Variants in ZNF423 observed in about 807,000 individuals in gnomAD.
The protein encoded by ZNF423 is Ebf-associated zinc finger protein.
A neutral mutation model predicts 95.8 loss-of-function variants in ZNF423; 12 were observed. The observed-to-expected ratio is 0.13, with a 90% CI of 0.08 to 0.20. The LOEUF (loss-of-function observed/expected upper bound fraction) is 0.20. ZNF423 is among the 10% of genes least tolerant of loss of function. The pLI is 1.00. For missense variants in ZNF423, 1,316 were observed against 1,737.1 expected (o/e 0.76, Z 4.31); for synonymous variants, 749 against 711.9 (o/e 1.05, Z -0.83).
chr16:49,806,002 C>T lies in ZNF423; in HGVS notation c.41-16456G>A, dbSNP rs2034657283. ...GGCCCCCGGCCTCCCGGGCTGCCCT[C>T]TCGTTTAATCCCATCTCTCCCTGAG... On this transcript the variant is annotated intron_variant, in intron 1 of 7. Transcript: ENST00000563137. 3.9e-5 allele frequency among the ~76,000 whole-genome samples: 6 copies of T among 152,254 alleles called. No homozygotes were observed. The South Asian group carries it at 1.2e-3, about 32-fold the overall frequency.
At chr16:49,499,590 G>A (rs1967305602) in intron 7 of ZNF423, among the ~76,000 whole-genome samples, 1 of 152,142 alleles carries the variant, frequency 6.6e-6, no homozygotes, top group Non-Finnish European at 1.5e-5. Flanking sequence ...CCGGATCCAG[G>A]TTTTCCGTGT....
chr16:49,726,486 A>G (rs2033017725), intron 3 of ZNF423, among the ~76,000 whole-genome samples: 1 of 152,154 alleles, frequency 6.6e-6, no homozygotes, highest in South Asian at 2.1e-4. Flanking sequence ...AGATGATGAT[A>G]AACACCCCCT....
chr16:49,532,439 T>C (rs565131181), intron 5 of ZNF423, among the ~76,000 whole-genome samples: 1 of 152,094 alleles, frequency 6.6e-6, no homozygotes, highest in South Asian at 2.1e-4. Flanking sequence ...CCCTTCCTCC[T>C]CCCCCTGGGG....
At chr16:49,794,506 A>G (rs2034468891) in intron 1 of ZNF423, among the ~76,000 whole-genome samples, 2 of 152,250 alleles carry the variant, frequency 1.3e-5, no homozygotes, top group African/African-American at 4.8e-5. Context: ...CCCCCCACAC[A>G]AGCTCTGTGC....
chr16:49,756,567 G>C (rs2033730935), intron 2 of ZNF423, among the ~76,000 whole-genome samples: 2 of 152,162 alleles, frequency 1.3e-5, no homozygotes, highest in Admixed American at 6.5e-5. Context: ...CCTTTCAGGG[G>C]CATCTTCCCA....
intron 3 of ZNF423, among the ~76,000 whole-genome samples, chr16:49,665,037 G>T (rs1045515678): frequency 2.7e-4 from 41 of 152,094 alleles, no homozygotes; most frequent in African/African-American, 9.4e-4. Flanking sequence ...CAGGTTATCA[G>T]CTGAGCTGGG....
chr16:49,652,524 T>G (rs1219381898), intron 3 of ZNF423, among the ~76,000 whole-genome samples: 3 of 152,180 alleles, frequency 2.0e-5, no homozygotes, highest in Non-Finnish European at 4.4e-5. Context: ...AAGGTTCTCC[T>G]GCCAGCCTCC....
chr16:49,503,872 G>C (rs1967529471), intron 7 of ZNF423, among the ~76,000 whole-genome samples: 1 of 152,190 alleles, frequency 6.6e-6, no homozygotes, highest in South Asian at 2.1e-4. Context: ...AGGGTCAAGG[G>C]AGAAGAAGAA....
chr16:49,812,336 G>A (rs2034766248), intron 1 of ZNF423, among the ~76,000 whole-genome samples: 1 of 152,318 alleles, frequency 6.6e-6, no homozygotes, highest in African/African-American at 2.4e-5. Flanking sequence ...AGAAGCTACA[G>A]GCACCTGCTG....
chr16:49,620,093 CCTCT>C (rs1188345957), intron 5 of ZNF423, among the ~76,000 whole-genome samples: 2 of 150,906 alleles, frequency 1.3e-5, no homozygotes, highest in African/African-American at 4.9e-5. Context: ...GTAGAAAAAC[CCTCT>C]CTCTGTCTGT....
At chr16:49,572,787 C>G (rs1266266064) in intron 5 of ZNF423, among the ~76,000 whole-genome samples, 1 of 152,132 alleles carries the variant, frequency 6.6e-6, no homozygotes, top group East Asian at 1.9e-4. Flanking sequence ...ACAGTGCACA[C>G]TGGAGAGGGA....
intron 5 of ZNF423, among the ~76,000 whole-genome samples, chr16:49,531,181 A>G (rs1015441673): frequency 2.8e-4 from 43 of 151,940 alleles, no homozygotes; most frequent in Non-Finnish European, 1.3e-4. Context: ...GGCAGGGAAT[A>G]CACAGGCTGC....
chr16:49,825,784 G>T, intron 1 of ZNF423, among the ~76,000 whole-genome samples: 1 of 152,166 alleles, frequency 6.6e-6, no homozygotes, highest in East Asian at 1.9e-4. Flanking sequence ...GTGAATGAAC[G>T]AAGTGGTCAG....
chr16:49,835,480 C>T (rs952462191), intron 1 of ZNF423, among the ~76,000 whole-genome samples: 1 of 152,198 alleles, frequency 6.6e-6, no homozygotes, highest in African/African-American at 2.4e-5. Context: ...TGGCAAACAG[C>T]GACGCCCCCT....
At chr16:49,773,989 A>G (rs1160944315) in intron 2 of ZNF423, among the ~76,000 whole-genome samples, 1 of 152,222 alleles carries the variant, frequency 6.6e-6, no homozygotes, top group Non-Finnish European at 1.5e-5. Flanking sequence ...CAGCACAGAC[A>G]TGCACGAGCT....
At chr16:49,841,491 C>T (rs749554443) in intron 1 of ZNF423, among the ~76,000 whole-genome samples, 2 of 152,228 alleles carry the variant, frequency 1.3e-5, no homozygotes, top group Non-Finnish European at 2.9e-5. Flanking sequence ...CTGCCCGTAA[C>T]GTGCATAGCC....
At chr16:49,495,809 G>A (rs1967146407) in intron 7 of ZNF423, among the ~76,000 whole-genome samples, 1 of 152,176 alleles carries the variant, frequency 6.6e-6, no homozygotes, top group Non-Finnish European at 1.5e-5. Context: ...GTCACAAACA[G>A]GAACACTGTG....
intron 1 of ZNF423, among the ~76,000 whole-genome samples, chr16:49,830,264 G>A (rs976040647): frequency 3.3e-5 from 5 of 152,190 alleles, no homozygotes; most frequent in Non-Finnish European, 5.9e-5. Context: ...AGGAAAGAAC[G>A]GCACAGTCCT....
chr16:49,604,773 C>A (rs1432783010), intron 5 of ZNF423, among the ~76,000 whole-genome samples: 4 of 152,144 alleles, frequency 2.6e-5, no homozygotes, highest in African/African-American at 9.7e-5. Flanking sequence ...CTGTGTCTGA[C>A]CACCAAACAC....
Sources: gnomAD v4.1 joint callset for allele counts (sites outside exome capture counted in the v4.1 genomes callset) on GRCh38, gnomAD v4.1.1 for gene constraint, MANE v1.5 for transcripts, NCBI Gene and HGNC (gene_info 2026-07-23, HGNC 2026-07-21) for gene names.